Variants in SYNRG observed in about 807,000 individuals in gnomAD.
SYNRG encodes synergin gamma.
A neutral mutation model predicts 130.9 loss-of-function variants in SYNRG; 37 were observed. The ratio of observed to expected loss-of-function variants is 0.28; its 90% CI spans 0.22 to 0.37. The LOEUF (loss-of-function observed/expected upper bound fraction) is 0.37. Among genes scored for constraint, SYNRG ranks in the 10% least tolerant of loss-of-function variants. The probability of loss-of-function intolerance (pLI) is 1.00; values close to 1 mark genes in which losing one functional copy is unlikely to be tolerated. For synonymous variants in SYNRG, 539 were observed against 568.1 expected (o/e 0.95, Z 0.73); for missense variants, 1,338 against 1,588.9 (o/e 0.84, Z 2.68).
intron 13 of SYNRG, among the ~76,000 whole-genome samples, chr17:37,558,738 C>T (rs569085085): frequency 1.2e-4 from 18 of 152,240 alleles, no homozygotes; most frequent in Non-Finnish European, 1.6e-4. Context: ...TGGATTAGTG[C>T]GCAGATGATT....
intron 11 of SYNRG, among the ~76,000 whole-genome samples, chr17:37,565,029 C>T (rs558518759): frequency 2.6e-5 from 4 of 152,216 alleles, no homozygotes; most frequent in East Asian, 3.9e-4. Context: ...TTTGGGAGGC[C>T]GAGGCAGGCA....
In SYNRG at chr17:37,579,524, T is replaced by TA. The variant is rs368946284; in HGVS notation, c.590-1912dup. The TA allele has an allele frequency of 1.2e-4, 119 of 1,005,110 alleles. No individual in the cohort carries two copies. The African/African-American group carries it at 1.9e-3, about 16-fold the overall frequency. The allele number at this position is 1,005,110 out of a possible 1,614,324, so 62.3% of individuals were successfully genotyped here. ...GATGTAGTACAATTCCAAAAGAATA[T>TA]ATTGAAACATAAATAGTGGAGGTGA... On this transcript the variant is annotated intron_variant, in intron 6 of 21. Transcript: ENST00000612223.
intron 11 of SYNRG, chr17:37,568,015 C>T: frequency 6.6e-6 from 1 of 152,092 alleles, no homozygotes; most frequent in Non-Finnish European, 1.5e-5. Context: ...ACCAGCCTGG[C>T]CAACATGGTG....
chr17:37,581,371 AG>A (rs1214192287), intron 6 of SYNRG, among the ~76,000 whole-genome samples: 1 of 151,804 alleles, frequency 6.6e-6, no homozygotes, highest in Non-Finnish European at 1.5e-5. Context: ...TCTGCCTCCC[AG>A]GTTCAAGTGA....
At chr17:37,538,977 G>T in intron 17 of SYNRG, 2 of 870,808 alleles carry the variant, frequency 2.3e-6, no homozygotes, top group Non-Finnish European at 2.8e-6. Flanking sequence ...CACAATGACA[G>T]ATGAGGGGAT....
chr17:37,598,636 T>C (rs576066967), intron 2 of SYNRG, among the ~76,000 whole-genome samples: 3 of 152,306 alleles, frequency 2.0e-5, no homozygotes, highest in African/African-American at 7.2e-5. Flanking sequence ...GTCGGTTTCT[T>C]ACATATGTTT....
In SYNRG at chr17:37,516,221, C is replaced by T. The variant is rs2054414613; in HGVS notation, c.*2719G>A. 1 of 152,188 alleles carries T rather than the reference C, an allele frequency of 6.6e-6. No homozygotes were observed. Among genetic ancestry groups the T allele is most frequent in the Non-Finnish European group, 1.5e-5 (1 of 68,040 alleles). The allele number at this position is 152,188 out of a possible 1,614,324, so 9.4% of individuals were successfully genotyped here. On this transcript the variant is annotated 3_prime_UTR_variant, in exon 22 of 22. Transcript: ENST00000612223. ...CTACAGTTTCCAAGGACACGGGGCT[C>T]CTGGCTGACAAGAAGAGCTGAGGTG...
chr17:37,544,304 G>T (rs1000729049), intron 14 of SYNRG, among the ~76,000 whole-genome samples: 1 of 140,794 alleles, frequency 7.1e-6, no homozygotes, highest in South Asian at 2.3e-4. Flanking sequence ...CAGGTGAAAA[G>T]TTTTTTTTTT....
intron 13 of SYNRG, 51 bp from the exon 14 acceptor site, chr17:37,554,110 T>TA (rs1324614708): frequency 2.0e-6 from 3 of 1,516,570 alleles, no homozygotes; most frequent in Non-Finnish European, 9.0e-7. Flanking sequence ...CTGAAAACCA[T>TA]ATAATACACA....
In SYNRG at chr17:37,553,233, A is replaced by G. The variant is rs1013754132; in HGVS notation, c.2490T>C (p.Asp830=). 12 of 1,613,936 alleles carry G rather than the reference A, an allele frequency of 7.4e-6. No homozygotes were observed. In the African/African-American group the frequency reaches 1.6e-4, roughly 22 times the overall value. ...TCATGTCAAACTGAACAGAGAGTGC[A>G]TCTTCAGAGTCCTCCTTGCCAACAC... ...GSSVGKEDSE[D]ALSVQFDMKL... is the part of the protein sequence containing the mutation. The change falls in exon 14 of 22, where the codon GAT becomes GAC. Residue 830 remains aspartate, a synonymous_variant. Transcript: ENST00000612223.
intron 6 of SYNRG, among the ~76,000 whole-genome samples, chr17:37,582,174 T>TA (rs2061389290): frequency 6.6e-6 from 1 of 152,200 alleles, no homozygotes; most frequent in Admixed American, 6.5e-5. Flanking sequence ...GTCTTTTTTT[T>TA]AAGAAATGGC....
intron 19 of SYNRG, among the ~76,000 whole-genome samples, chr17:37,522,637 CTTTTT>C (rs36077729): frequency 8.2e-5 from 8 of 97,776 alleles, no homozygotes; most frequent in East Asian, 6.9e-4. Flanking sequence ...CCAGCTAACA[CTTTTT>C]TTTTTTTTTT....
intron 11 of SYNRG, chr17:37,566,839 A>C (rs1377343247): frequency 6.6e-6 from 1 of 152,334 alleles, no homozygotes; most frequent in East Asian, 1.9e-4. Context: ...TAACCCACAT[A>C]CTATAATATA....
chr17:37,542,942 C>T (rs944073554), intron 14 of SYNRG, among the ~76,000 whole-genome samples: 2 of 152,178 alleles, frequency 1.3e-5, no homozygotes, highest in Admixed American at 6.5e-5. Context: ...TGTCTCCCTT[C>T]ATCTTGACTT....
At chr17:37,596,435 G>A (rs2062781615) in intron 2 of SYNRG, 91 bp from the exon 3 acceptor site, 2 of 1,440,306 alleles carry the variant, frequency 1.4e-6, no homozygotes, top group East Asian at 2.4e-5. Context: ...TACTTGGCAG[G>A]AAGCAGAGTG....
At chr17:37,559,619 G>A (rs1276921183) in intron 13 of SYNRG, among the ~76,000 whole-genome samples, 1 of 152,154 alleles carries the variant, frequency 6.6e-6, no homozygotes, top group Non-Finnish European at 1.5e-5. Flanking sequence ...GAACCCAAGA[G>A]GTGGAGGTTG....
chr17:37,582,184 CTCT>C (rs935503026), intron 6 of SYNRG, among the ~76,000 whole-genome samples: 1 of 151,848 alleles, frequency 6.6e-6, no homozygotes, highest in African/African-American at 2.4e-5. Context: ...TAAGAAATGG[CTCT>C]TGTCTGAAAA....
chr17:37,604,799 C>G (rs572530818), intron 1 of SYNRG, among the ~76,000 whole-genome samples: 2 of 152,246 alleles, frequency 1.3e-5, no homozygotes, highest in Non-Finnish European at 2.9e-5. Flanking sequence ...CACTTAGAGG[C>G]CACTGTAGGG....
intron 1 of SYNRG, among the ~76,000 whole-genome samples, chr17:37,608,038 C>G (rs934872168): frequency 2.0e-5 from 3 of 151,332 alleles, no homozygotes; most frequent in Non-Finnish European, 4.4e-5. Flanking sequence ...TGTTTCTTCT[C>G]CAGCCAGAAA....
Sources: allele counts gnomAD v4.1 joint callset (sites outside exome capture counted in the v4.1 genomes callset), GRCh38; gene constraint gnomAD v4.1.1; transcripts MANE v1.5; gene names NCBI Gene and HGNC (gene_info 2026-07-23, HGNC 2026-07-21).